FAM20C: variants seen among roughly 807,000 people sequenced by gnomAD.
The protein encoded by FAM20C is FAM20C golgi associated secretory pathway kinase, also known as extracellular serine/threonine protein kinase FAM20C.
In FAM20C, 40 loss-of-function variants were observed where a neutral mutation model predicts 51.5. That is an observed-to-expected ratio of 0.78 (90% CI 0.60 to 1.01). FAM20C has a LOEUF of 1.01. FAM20C is among the 50% of genes least tolerant of loss of function. The pLI is 0.00. For synonymous variants in FAM20C, 406 were observed against 380.6 expected (o/e 1.07, Z -0.78); for missense variants, 861 against 844.7 (o/e 1.02, Z -0.24).
chr7:251,138 G>A (rs1788378909), intron 5 of FAM20C, among the ~76,000 whole-genome samples: 1 of 152,152 alleles, frequency 6.6e-6, no homozygotes, highest in Non-Finnish European at 1.5e-5. Context: ...CCGTTTCTAA[G>A]GTCTTACTGA....
In FAM20C at chr7:193,393, G is replaced by A; in HGVS notation, c.194G>A (p.Gly65Asp). The A allele has an allele frequency of 1.4e-6, 2 of 1,384,932 alleles. No individual in the cohort carries two copies. The highest frequency in any genetic ancestry group is 9.5e-7 in the Non-Finnish European group (1 of 1,057,568). The allele number at this position is 1,384,932 out of a possible 1,614,324, so 85.8% of individuals were successfully genotyped here. ...VAAPGWAQVR[G>D]RPGEPPAASS... ...GCGCCCGGCTGGGCCCAGGTTCGGGGCCGCCCCGGGGAGCCCCCGGCCGCC... is the reference window on the plus strand; with the variant it reads ...GCGCCCGGCTGGGCCCAGGTTCGGGACCGCCCCGGGGAGCCCCCGGCCGCC... The change falls in exon 1 of 10, where the codon GGC (glycine) becomes GAC (aspartate). Residue 65 changes from glycine to aspartate, a missense_variant. Around this residue, in one of 3 missense-constraint regions of FAM20C, gnomAD observed 561 missense variants for 499.8 expected, o/e 1.12. Coordinates refer to ENST00000313766, the MANE Select transcript of FAM20C (RefSeq NM_020223.4).
chr7:246,667 AG>A, intron 4 of FAM20C, among the ~76,000 whole-genome samples, 160 bp downstream of exon 4: 1 of 82,266 alleles, frequency 1.2e-5, no homozygotes, highest in African/African-American at 3.3e-5. Context: ...TGCTGCCCTG[AG>A]CAGGGTCCTG....
intron 2 of FAM20C, 85 bp from the exon 3 acceptor site, chr7:208,813 T>C: frequency 7.2e-7 from 1 of 1,384,514 alleles, no homozygotes; most frequent in Non-Finnish European, 9.9e-7. Context: ...AGGACCCGGA[T>C]TGCAGCCAAG....
At chr7:234,708 G>A (rs985804189) in intron 3 of FAM20C, among the ~76,000 whole-genome samples, 1 of 152,158 alleles carries the variant, frequency 6.6e-6, no homozygotes, top group Admixed American at 6.5e-5. Flanking sequence ...CAGAAAGGCG[G>A]GTGTTGAAAA....
intron 3 of FAM20C, among the ~76,000 whole-genome samples, chr7:241,168 G>T (rs1041263838): frequency 6.6e-6 from 1 of 151,614 alleles, no homozygotes; most frequent in East Asian, 1.9e-4. Context: ...CTCCTGCTGG[G>T]GTCACCTGGG....
chr7:250,630 G>A (rs536066320), intron 5 of FAM20C, among the ~76,000 whole-genome samples: 5 of 152,242 alleles, frequency 3.3e-5, no homozygotes, highest in South Asian at 2.1e-4. Context: ...TCCTAAGCAC[G>A]CCTGAGCTCC....
intron 3 of FAM20C, chr7:227,653 C>A (rs930582843): frequency 6.6e-6 from 1 of 152,064 alleles, no homozygotes; most frequent in Non-Finnish European, 1.5e-5. Flanking sequence ...TTCAGGCTAC[C>A]GGGGAGCCCG....
At chr7:220,636 A>G (rs1021932787) in intron 3 of FAM20C, among the ~76,000 whole-genome samples, 1 of 152,140 alleles carries the variant, frequency 6.6e-6, no homozygotes, top group Non-Finnish European at 1.5e-5. Flanking sequence ...CCTGAATGGC[A>G]TGGTCGGCAG....
At chr7:258,754 C>G in intron 9 of FAM20C, 49 bp downstream of exon 9, 2 of 1,492,896 alleles carry the variant, frequency 1.3e-6, no homozygotes, top group Non-Finnish European at 1.8e-6. Context: ...CTCCCTACTG[C>G]GCAGGAGACA....
At chr7:198,915 C>G in intron 2 of FAM20C, among the ~76,000 whole-genome samples, 1 of 152,246 alleles carries the variant, frequency 6.6e-6, no homozygotes, top group South Asian at 2.1e-4. Flanking sequence ...GGGCCCTATT[C>G]TCCCTGCTGC....
chr7:256,676 T>C lies in FAM20C; in HGVS notation c.1276T>C (p.Cys426Arg). 5 of 1,536,034 alleles carry C rather than the reference T, an allele frequency of 3.3e-6. No homozygotes were observed. Among genetic ancestry groups the C allele is most frequent in the Non-Finnish European group, 4.4e-6 (5 of 1,146,810 alleles). The change falls in exon 7 of 10, where the codon TGC becomes CGC. Residue 426 changes from cysteine (C) to arginine (R), a missense_variant. By Grantham distance (180) the Cys-to-Arg change is radical. This residue lies in a region of FAM20C where 269 missense variants were observed against 283.8 expected (regional missense o/e 0.95). Transcript: ENST00000313766. ...CAGGTGGGAGGTGGACCCTGACTAC[T>C]GCGAGGAGGTGAAGCAGACACCGCC... ...KAEWEVDPDY[C>R]EEVKQTPPYD...
At chr7:200,282 G>A (rs1209836174) in intron 2 of FAM20C, among the ~76,000 whole-genome samples, 6 of 141,050 alleles carry the variant, frequency 4.3e-5, no homozygotes, top group Admixed American at 7.5e-5. Flanking sequence ...TCGCTCGGCC[G>A]GCCTAGAGAG....
chr7:222,869 G>A (rs148539654), intron 3 of FAM20C, among the ~76,000 whole-genome samples: 8 of 52,284 alleles, frequency 1.5e-4, no homozygotes, highest in South Asian at 2.1e-3. Context: ...TGCACGTGTC[G>A]GTGTGCGTGT....
At chr7:206,956 C>T (rs180695284) in intron 2 of FAM20C, among the ~76,000 whole-genome samples, 5 of 43,082 alleles carry the variant, frequency 1.2e-4, no homozygotes, top group Admixed American at 2.1e-4. Context: ...GCGTCGGTCA[C>T]GGCCCCCTCG....
At chr7:210,802 G>A (rs1334790360) in intron 3 of FAM20C, among the ~76,000 whole-genome samples, 7 of 152,142 alleles carry the variant, frequency 4.6e-5, no homozygotes, top group Non-Finnish European at 8.8e-5. Flanking sequence ...TCATCTCTGA[G>A]GAGGTGGAAA....
chr7:206,571 C>T (rs1385631362), intron 2 of FAM20C, among the ~76,000 whole-genome samples: 2 of 75,816 alleles, frequency 2.6e-5, no homozygotes, highest in East Asian at 1.0e-3. Flanking sequence ...CGGTCACTGT[C>T]CCCTCAGCCC....
chr7:233,832 C>T (rs1787771784), intron 3 of FAM20C, among the ~76,000 whole-genome samples: 1 of 152,224 alleles, frequency 6.6e-6, no homozygotes, highest in Non-Finnish European at 1.5e-5. Context: ...GAGAGGTCAG[C>T]TCAGTCGTCA....
chr7:234,188 C>T (rs995919884), intron 3 of FAM20C, among the ~76,000 whole-genome samples: 2 of 152,234 alleles, frequency 1.3e-5, no homozygotes, highest in African/African-American at 4.8e-5. Context: ...TTCCCGGGCT[C>T]GGCCGCCAGG....
At chr7:248,518 G>C (rs1185003774) in intron 5 of FAM20C, 88 bp downstream of exon 5, 2 of 978,056 alleles carry the variant, frequency 2.0e-6, no homozygotes, top group African/African-American at 1.7e-5. Context: ...CTGGCACGGG[G>C]AGCCCACATT....
Sources: allele counts gnomAD v4.1 joint callset (sites outside exome capture counted in the v4.1 genomes callset), GRCh38; gene constraint gnomAD v4.1.1; regional missense constraint gnomAD v4.1.1; transcripts MANE v1.5; gene names NCBI Gene and HGNC (gene_info 2026-07-23, HGNC 2026-07-21).